Variants in SYTL4 observed in about 807,000 individuals in gnomAD.
SYTL4 encodes the protein synaptotagmin like 4.
In SYTL4, 16 loss-of-function variants were observed where a neutral mutation model predicts 52.7. The observed-to-expected ratio is 0.30, with a 90% confidence interval of 0.21 to 0.46. The LOEUF (loss-of-function observed/expected upper bound fraction) is 0.46, where lower values mean the gene tolerates loss of function less well. Ranked by LOEUF, SYTL4 falls within the 20% of genes least tolerant of loss-of-function variation. The probability of loss-of-function intolerance (pLI) is 1.00; values close to 1 mark genes in which losing one functional copy is unlikely to be tolerated. For synonymous variants in SYTL4, 160 were observed against 186.6 expected (o/e 0.86, Z 1.16); for missense variants, 423 against 519.9 (o/e 0.81, Z 1.81).
Position 100,690,590 on chromosome X carries a change from C to T in SYTL4, c.690G>A (p.Met230Ile), listed in dbSNP as rs754996341. 13 of 1,207,253 alleles carry T rather than the reference C, an allele frequency of 1.1e-5. No homozygotes were observed. Among genetic ancestry groups the T allele is most frequent in the African/African-American group, 1.7e-5 (1 of 57,536 alleles). The change falls in exon 10 of 20, where the codon ATG (methionine) becomes ATA (isoleucine). Residue 230 changes from methionine (M) to isoleucine (I), a missense_variant. Physicochemically the swap from Met to Ile is conservative, Grantham distance 10 (BLOSUM62 1). Transcript: ENST00000372989. Reference protein sequence around the residue: ...KSGLFPEWKKMSAPKSQVEKE... With the variant: ...KSGLFPEWKKISAPKSQVEKE... Reference sequence around the variant, plus strand: ...TTTCTACTTGAGATTTGGGAGCAGACATCTTCTTCCATTCTGGAAAGAGGC... The same window carrying T: ...TTTCTACTTGAGATTTGGGAGCAGATATCTTCTTCCATTCTGGAAAGAGGC...
At chrX:100,718,694 A>G (rs1371810293) in intron 2 of SYTL4, among the ~76,000 whole-genome samples, 1 of 112,088 alleles carries the variant, frequency 8.9e-6, no homozygotes, top group Non-Finnish European at 1.9e-5. Flanking sequence ...TAATTTTACA[A>G]AATTCTGATT....
chrX:100,690,677 T>A, intron 9 of SYTL4, 39 bp from the exon 10 acceptor site: 1 of 1,046,191 alleles, frequency 9.6e-7, no homozygotes, highest in Non-Finnish European at 1.3e-6. Flanking sequence ...AGTCACCTCC[T>A]ACCCTTCCCC....
intron 2 of SYTL4, among the ~76,000 whole-genome samples, chrX:100,727,754 T>G (rs886088560): frequency 1.8e-5 from 2 of 111,269 alleles, no homozygotes; most frequent in Non-Finnish European, 3.8e-5. Context: ...CCTCATGAAT[T>G]AAATTGGGTG....
At chrX:100,726,376 T>C (rs2084518064) in intron 2 of SYTL4, among the ~76,000 whole-genome samples, 1 of 111,306 alleles carries the variant, frequency 9.0e-6, no homozygotes, top group Admixed American at 9.6e-5. Flanking sequence ...CAAATGCTAT[T>C]CCAACCCTTC....
chrX:100,727,007 T>C (rs1406210627), intron 2 of SYTL4, among the ~76,000 whole-genome samples: 1 of 111,086 alleles, frequency 9.0e-6, no homozygotes, highest in African/African-American at 3.3e-5. Context: ...TTTTTATCAG[T>C]CCTTCTCAGT....
intron 2 of SYTL4, among the ~76,000 whole-genome samples, chrX:100,723,836 G>A (rs1406168958): frequency 6.4e-5 from 7 of 108,964 alleles, no homozygotes; most frequent in Admixed American, 9.5e-5. Context: ...AGTGAGGAGC[G>A]TCTCCGCCTG....
At chrX:100,679,465 C>CT in intron 17 of SYTL4, 53 bp from the exon 18 acceptor site, 7 of 996,142 alleles carry the variant, frequency 7.0e-6, no homozygotes, top group Non-Finnish European at 9.9e-6. Flanking sequence ...CTAGATTTAT[C>CT]TTGAGCTTTG....
chrX:100,719,032 G>A (rs1356765733), intron 2 of SYTL4, among the ~76,000 whole-genome samples: 3 of 110,971 alleles, frequency 2.7e-5, no homozygotes, highest in Middle Eastern at 4.6e-3. Context: ...GCCTGACCTC[G>A]TGATCTGCCC....
rs200368843 is a variant in SYTL4 at position 100,716,450 on chromosome X, C to CAA, written c.-239-11566_-239-11565dup. On this transcript the variant is annotated intron_variant, in intron 2 of 19. Transcript: ENST00000372989. ...GGGCAACAAGAGCAAAACTCCATCT[C>CAA]AAAAAAAAAAAAAAAAAAAAAAAAA... Among the ~76,000 whole-genome samples, 56 of 25,751 alleles carry CAA rather than the reference C, an allele frequency of 2.2e-3. 4 individuals are homozygous for CAA. The highest frequency in any genetic ancestry group is 2.7e-3 in the Non-Finnish European group (48 of 18,013). 22.4% of individuals were successfully genotyped at this position (25,751 alleles called of 115,157 possible).
chrX:100,723,652 C>T (rs1322924803), intron 2 of SYTL4, among the ~76,000 whole-genome samples: 3 of 110,128 alleles, frequency 2.7e-5, no homozygotes, highest in African/African-American at 6.6e-5. Flanking sequence ...CGTCTCTGCC[C>T]GGCCGCCCAT....
rs918555018 is a variant in SYTL4, at chrX:100,714,271, T to C, written c.-239-9385A>G. 4.6e-3 allele frequency among the ~76,000 whole-genome samples: 508 copies of C among 109,570 alleles called. 3 individuals carry two copies. Among genetic ancestry groups the C allele is most frequent in the African/African-American group, 0.015 (456 of 30,085 alleles). On this transcript the variant is annotated intron_variant, in intron 2 of 19. Transcript: ENST00000372989. ...AAATATTTTATGTCAAGATTTTTTT[T>C]TTTTTTTTGAGATGGAGTCTTGCTG...
intron 4 of SYTL4, among the ~76,000 whole-genome samples, chrX:100,702,621 A>G (rs1001785393): frequency 2.7e-5 from 3 of 111,685 alleles, no homozygotes; most frequent in African/African-American, 9.8e-5. Context: ...CCCCTACTCT[A>G]TCTCTCAAAG....
At chrX:100,701,429 C>T (rs1351599846) in intron 6 of SYTL4, 29 bp downstream of exon 6, 1 of 1,197,463 alleles carries the variant, frequency 8.4e-7, no homozygotes, top group African/African-American at 1.7e-5. Context: ...GCCTCGCCCC[C>T]TCTCTACTCA....
chrX:100,688,551 G>C, intron 12 of SYTL4, 108 bp from the exon 13 acceptor site: 1 of 530,112 alleles, frequency 1.9e-6, no homozygotes, highest in East Asian at 4.1e-5. Context: ...GTATGTGTAC[G>C]CACACATACT....
At chrX:100,692,445 T>A (rs534209978) in intron 8 of SYTL4, among the ~76,000 whole-genome samples, 1 of 112,109 alleles carries the variant, frequency 8.9e-6, no homozygotes, top group East Asian at 2.8e-4. Context: ...AATTATTGAA[T>A]AAATGCCCTC....
intron 2 of SYTL4, among the ~76,000 whole-genome samples, chrX:100,711,806 A>G (rs1038167085): frequency 9.3e-4 from 99 of 106,376 alleles, no homozygotes; most frequent in African/African-American, 3.3e-3. Flanking sequence ...CATGTGGCAC[A>G]CCATAAATTG....
At chrX:100,731,883 G>A (rs912261113) in intron 1 of SYTL4, 121 bp downstream of exon 1, 2 of 110,817 alleles carry the variant, frequency 1.8e-5, no homozygotes, top group African/African-American at 6.6e-5. Context: ...CCAGAGAGCG[G>A]GTAGGGAAGA....
In SYTL4 at chrX:100,675,873, A is replaced by C; in HGVS notation, c.*155T>G. The C allele has an allele frequency of 1.1e-5, 5 of 463,344 alleles. No homozygotes were observed. Among genetic ancestry groups the C allele is most frequent in the South Asian group, 1.2e-4 (2 of 16,353 alleles). The allele number at this position is 463,344 out of a possible 1,213,427, so 38.2% of individuals were successfully genotyped here. ...CTCTAGCCAGCATAATGAGATTTGC[A>C]GAAAATACATGTTTGTACACATACA... On this transcript the variant is annotated 3_prime_UTR_variant, in exon 20 of 20. Coordinates refer to ENST00000372989, the MANE Select transcript of SYTL4 (RefSeq NM_001370165.1).
At chrX:100,679,469 A>G (rs2083335477) in intron 17 of SYTL4, 57 bp from the exon 18 acceptor site, 4 of 966,802 alleles carry the variant, frequency 4.1e-6, no homozygotes, top group Non-Finnish European at 5.9e-6. Flanking sequence ...ATTTATCTTG[A>G]GCTTTGTTTA....
Sources: allele counts gnomAD v4.1 joint callset (sites outside exome capture counted in the v4.1 genomes callset), GRCh38; gene constraint gnomAD v4.1.1; transcripts MANE v1.5; gene names NCBI Gene and HGNC (gene_info 2026-07-23, HGNC 2026-07-21).